Variants in SLC39A11 observed in about 807,000 individuals in gnomAD.
SLC39A11 encodes the protein zinc transporter ZIP11.
A neutral mutation model predicts 36.1 loss-of-function variants in SLC39A11; 33 were observed. The observed-to-expected ratio is 0.91, with a 90% CI of 0.69 to 1.22. The LOEUF (loss-of-function observed/expected upper bound fraction) is 1.22, where lower values mean the gene tolerates loss of function less well. SLC39A11 is among the 50% of genes most tolerant of loss of function. The pLI is 0.00. For missense variants in SLC39A11, 432 were observed against 430.3 expected, an observed-to-expected ratio of 1.00 and a Z score of -0.03; for synonymous variants, 166 against 170.3, an observed-to-expected ratio of 0.97 and a Z score of 0.20.
rs923322301 is a variant in SLC39A11, at chr17:73,069,786, G to A, written c.147+15022C>T. On this transcript the variant is annotated intron_variant, in intron 3 of 9. Transcript: ENST00000255559. ...TGATACTCAGTAAGTGCTTTTTCAT[G>A]TGGTTGGTACTAAGATGCATAAGAA... Among the ~76,000 whole-genome samples the A allele has an allele frequency of 2.6e-5, 4 of 152,274 alleles. No homozygotes were observed. The South Asian group carries it at 6.2e-4, about 24-fold the overall frequency.
chr17:73,068,387 C>T (rs772067455), intron 3 of SLC39A11: 70 of 458,928 alleles, frequency 1.5e-4, no homozygotes, highest in Non-Finnish European at 2.5e-4. Flanking sequence ...ATATGGATCA[C>T]CAAAAGCAGA....
rs571591901 is a variant in SLC39A11 at position 72,914,264 on chromosome 17, C to T, written c.430+33488G>A. 1.3e-3 allele frequency among the ~76,000 whole-genome samples: 201 copies of T among 149,540 alleles called. 1 individual carries two copies. The highest frequency in any genetic ancestry group is 4.8e-3 in the African/African-American group (194 of 40,698). On this transcript the variant is annotated intron_variant, in intron 5 of 9. Transcript: ENST00000255559. The stretch of plus-strand genomic sequence containing the variant: ...CCGGGAGGCAGAGCTTGCAGTGAGA[C>T]GAGATCGTGCCACTATACTCCAGCC...
intron 7 of SLC39A11, among the ~76,000 whole-genome samples, chr17:72,665,598 G>A (rs924172835): frequency 4.6e-5 from 7 of 151,396 alleles, no homozygotes; most frequent in South Asian, 2.1e-4. Flanking sequence ...ATATTTCCCC[G>A]GCTTGTCTTG....
intron 5 of SLC39A11, among the ~76,000 whole-genome samples, chr17:72,869,480 C>T (rs2080491490): frequency 6.6e-6 from 1 of 152,178 alleles, no homozygotes; most frequent in African/African-American, 2.4e-5. Context: ...ACCTCTGCCT[C>T]CCGGGTTCAA....
chr17:72,684,211 C>T (rs2071636528), intron 7 of SLC39A11, among the ~76,000 whole-genome samples: 1 of 152,162 alleles, frequency 6.6e-6, no homozygotes. Context: ...AACCCACTCC[C>T]TTGCCCGGAG....
chr17:72,684,115 G>A (rs959351253), intron 7 of SLC39A11, among the ~76,000 whole-genome samples: 3 of 152,136 alleles, frequency 2.0e-5, no homozygotes, highest in Non-Finnish European at 2.9e-5. Flanking sequence ...GAGCCACAGG[G>A]CTCTTTCCCC....
chr17:73,014,193 C>T (rs2090683028), intron 4 of SLC39A11, among the ~76,000 whole-genome samples: 1 of 152,152 alleles, frequency 6.6e-6, no homozygotes, highest in African/African-American at 2.4e-5. Context: ...GCCAGAGTCT[C>T]ACACTACCCC....
At chr17:72,767,931 G>T (rs568912300) in intron 6 of SLC39A11, among the ~76,000 whole-genome samples, 2 of 151,804 alleles carry the variant, frequency 1.3e-5, no homozygotes, top group African/African-American at 4.8e-5. Flanking sequence ...CAAATCAATC[G>T]CATCCAAAGC....
chr17:72,737,368 G>A (rs2074474708), intron 6 of SLC39A11, among the ~76,000 whole-genome samples: 1 of 152,196 alleles, frequency 6.6e-6, no homozygotes, highest in Non-Finnish European at 1.5e-5. Context: ...CTCATTGGCT[G>A]ACGAAATGTT....
At chr17:72,679,716 G>T (rs893572977) in intron 7 of SLC39A11, among the ~76,000 whole-genome samples, 1 of 152,170 alleles carries the variant, frequency 6.6e-6, no homozygotes, top group Non-Finnish European at 1.5e-5. Flanking sequence ...TGGGAGGTGG[G>T]CTTAGAGGAC....
At chr17:72,802,213 G>A (rs1292086004) in intron 6 of SLC39A11, among the ~76,000 whole-genome samples, 1 of 152,200 alleles carries the variant, frequency 6.6e-6, no homozygotes, top group South Asian at 2.1e-4. Context: ...CCACAGCCCA[G>A]GAAGGAGGTG....
chr17:72,999,913 G>A (rs1162039729), intron 4 of SLC39A11, among the ~76,000 whole-genome samples: 7 of 151,870 alleles, frequency 4.6e-5, no homozygotes, highest in Middle Eastern at 3.2e-3. Context: ...GCTAAGTTTT[G>A]TATTTTTAGT....
intron 4 of SLC39A11, among the ~76,000 whole-genome samples, chr17:73,020,435 G>A (rs1290835748): frequency 6.6e-6 from 1 of 152,176 alleles, no homozygotes; most frequent in African/African-American, 2.4e-5. Flanking sequence ...CCAGCACCTT[G>A]ATATTTTTCT....
chr17:72,956,199 G>A (rs1343059315), intron 4 of SLC39A11, among the ~76,000 whole-genome samples: 2 of 152,100 alleles, frequency 1.3e-5, no homozygotes, highest in East Asian at 1.9e-4. Context: ...AGTTAATTAC[G>A]AACTTCTAGC....
chr17:73,077,819 C>T (rs887704500), intron 3 of SLC39A11, among the ~76,000 whole-genome samples: 1 of 152,280 alleles, frequency 6.6e-6, no homozygotes. Flanking sequence ...TGTTTTCATG[C>T]TCCCAAATTC....
intron 4 of SLC39A11, among the ~76,000 whole-genome samples, chr17:72,996,211 C>T (rs1327699896): frequency 6.6e-6 from 1 of 152,212 alleles, no homozygotes; most frequent in African/African-American, 2.4e-5. Context: ...CTGATACAGC[C>T]CTGCCTGGTG....
intron 5 of SLC39A11, among the ~76,000 whole-genome samples, chr17:72,940,068 G>C (rs1010734686): frequency 3.4e-4 from 52 of 152,270 alleles, no homozygotes; most frequent in African/African-American, 1.2e-3. Flanking sequence ...ACTTTGTTGT[G>C]ACAGCAACAG....
chr17:72,837,555 T>C (rs1414804761), intron 6 of SLC39A11, among the ~76,000 whole-genome samples: 1 of 152,146 alleles, frequency 6.6e-6, no homozygotes, highest in Non-Finnish European at 1.5e-5. Flanking sequence ...CCAAGGTATG[T>C]ACCCAAGAGA....
At chr17:72,964,097 G>C (rs1332471235) in intron 4 of SLC39A11, among the ~76,000 whole-genome samples, 5 of 152,056 alleles carry the variant, frequency 3.3e-5, no homozygotes, top group African/African-American at 7.2e-5. Flanking sequence ...AGTTTTCCTC[G>C]TACGATGCAA....
Sources: allele counts gnomAD v4.1 joint callset (sites outside exome capture counted in the v4.1 genomes callset), GRCh38; gene constraint gnomAD v4.1.1; transcripts MANE v1.5; gene names NCBI Gene and HGNC (gene_info 2026-07-23, HGNC 2026-07-21).